SLC10A7: variants seen among roughly 807,000 people sequenced by gnomAD.
SLC10A7 encodes the protein sodium/bile acid cotransporter 7.
A neutral mutation model predicts 43.2 loss-of-function variants in SLC10A7; 29 were observed. The observed-to-expected ratio is 0.67, with a 90% CI of 0.50 to 0.92. The LOEUF (loss-of-function observed/expected upper bound fraction) is 0.92, where lower values mean the gene tolerates loss of function less well. Ranked by LOEUF, SLC10A7 falls within the 40% of genes least tolerant of loss-of-function variation. The pLI is 0.00. For synonymous variants in SLC10A7, 152 were observed against 144.8 expected (o/e 1.05, Z -0.35); for missense variants, 295 against 403.2 (o/e 0.73, Z 2.30).
At chr4:146,451,329 A>G (rs1202435108) in intron 4 of SLC10A7, among the ~76,000 whole-genome samples, 1 of 151,812 alleles carries the variant, frequency 6.6e-6, no homozygotes, top group Non-Finnish European at 1.5e-5. Flanking sequence ...TTCTTCTCAA[A>G]CTACCCAAAA....
intron 4 of SLC10A7, among the ~76,000 whole-genome samples, chr4:146,475,958 T>C (rs1733985257): frequency 6.6e-6 from 1 of 152,224 alleles, no homozygotes; most frequent in Admixed American, 6.5e-5. Flanking sequence ...TAAATCATTA[T>C]GCATTAAGCT....
chr4:146,293,940 T>C lies in SLC10A7; in HGVS notation c.711A>G (p.Ile237Met), dbSNP rs76346232. The C allele has an allele frequency of 4.0e-3, 6,435 of 1,611,692 alleles. 220 individuals carry two copies. The Admixed American group carries it at 0.057, about 14-fold the overall frequency. ...CATTTTCCAACTTACTTATGAACAG[T>C]ATGAGAACAAGGCTGAATTTATCCA... ...IDLDKFSLVL[I>M]LFIIFSIQLS... The change falls in exon 8 of 12, where the codon ATA (isoleucine) becomes ATG (methionine). Residue 237 changes from isoleucine (I) to methionine (M), a missense_variant. By Grantham distance (10) the Ile-to-Met change is conservative. Transcript: ENST00000335472.
rs1482501101 is a variant in SLC10A7 at position 146,514,909 on chromosome 4, T to C, written c.183+2129A>G. The C allele has an allele frequency of 7.4e-6, 4 of 543,114 alleles. No homozygotes were observed. The South Asian group carries it at 7.9e-5, about 11-fold the overall frequency. The allele number at this position is 543,114 out of a possible 1,614,324, so 33.6% of individuals were successfully genotyped here. A position where few individuals can be genotyped will look rare whatever the true frequency, so the allele number is the denominator to read the frequency against. On this transcript the variant is annotated intron_variant, in intron 2 of 11. Transcript: ENST00000335472. ...GGCTTTTGAAAATGACTTAATGTTG[T>C]ATTCTTTTGAAAAGGGCTTTTGATG...
At chr4:146,323,873 A>G (rs1732915859) in intron 6 of SLC10A7, among the ~76,000 whole-genome samples, 1 of 152,156 alleles carries the variant, frequency 6.6e-6, no homozygotes, top group African/African-American at 2.4e-5. Context: ...GGAAAAGAGG[A>G]AGTCAAATTG....
At chr4:146,265,558 A>G (rs1204963383) in intron 10 of SLC10A7, among the ~76,000 whole-genome samples, 1 of 152,166 alleles carries the variant, frequency 6.6e-6, no homozygotes, top group Non-Finnish European at 1.5e-5. Context: ...TGATGTTGCC[A>G]TTATTTTCTT....
In SLC10A7 at chr4:146,383,458, G is replaced by C. The variant is rs184708754; in HGVS notation, c.436-57462C>G. ...TCATTTCATCCTCTTCATTTGCATA[G>C]AGCATACACCAAGTAAGCAATGGGA... On this transcript the variant is annotated intron_variant, in intron 5 of 11. Coordinates refer to ENST00000335472, the MANE Select transcript of SLC10A7 (RefSeq NM_001029998.6). Among the ~76,000 whole-genome samples, 112 of 152,232 alleles carry C rather than the reference G, an allele frequency of 7.4e-4. No homozygotes were observed. In the South Asian group the frequency reaches 0.012, roughly 16 times the overall value.
At chr4:146,461,518 A>C (rs1732524274) in intron 4 of SLC10A7, among the ~76,000 whole-genome samples, 1 of 152,036 alleles carries the variant, frequency 6.6e-6, no homozygotes. Flanking sequence ...AAGAGACATC[A>C]CAGTGGGGAA....
intron 5 of SLC10A7, among the ~76,000 whole-genome samples, chr4:146,383,466 A>G (rs1243201962): frequency 6.6e-6 from 1 of 152,198 alleles, no homozygotes; most frequent in Non-Finnish European, 1.5e-5. Context: ...TAGAGCATAC[A>G]CCAAGTAAGC....
chr4:146,502,854 TG>T, intron 4 of SLC10A7, among the ~76,000 whole-genome samples: 1 of 152,214 alleles, frequency 6.6e-6, no homozygotes, highest in Admixed American at 6.5e-5. Flanking sequence ...AGTGGTTGCC[TG>T]GGGAAGAGGG....
At chr4:146,465,504 TA>T (rs68081585) in intron 4 of SLC10A7, among the ~76,000 whole-genome samples, 76,883 of 151,784 alleles carry the variant, frequency 0.51, 20,008 homozygotes, top group East Asian at 0.65. Flanking sequence ...GAATACTTTT[TA>T]TAACCTTAAA....
intron 4 of SLC10A7, among the ~76,000 whole-genome samples, chr4:146,492,377 A>AT (rs900564420): frequency 1.5e-4 from 23 of 151,570 alleles, no homozygotes; most frequent in Middle Eastern, 3.4e-3. Flanking sequence ...CTTTCTTTCT[A>AT]TTTTTTTTAA....
At chr4:146,312,049 G>T (rs1381187955) in intron 6 of SLC10A7, among the ~76,000 whole-genome samples, 1 of 152,080 alleles carries the variant, frequency 6.6e-6, no homozygotes, top group Non-Finnish European at 1.5e-5. Flanking sequence ...TAGGAATATG[G>T]TTATTAAACA....
chr4:146,468,473 A>ATTTTTTTTTTTTTTTT (rs368637891), intron 4 of SLC10A7, among the ~76,000 whole-genome samples: 1 of 143,608 alleles, frequency 7.0e-6, no homozygotes, highest in East Asian at 2.1e-4. Context: ...TTATATTTTA[A>ATTTTTTTTTTTTTTTT]TTTTTTTTTT....
At chr4:146,268,336 G>C (rs1488686243) in intron 10 of SLC10A7, among the ~76,000 whole-genome samples, 1 of 152,068 alleles carries the variant, frequency 6.6e-6, no homozygotes, top group Non-Finnish European at 1.5e-5. Flanking sequence ...GAGGAATCAG[G>C]CCTGGAAAAG....
intron 5 of SLC10A7, among the ~76,000 whole-genome samples, chr4:146,409,260 A>T (rs1429843254): frequency 6.6e-6 from 1 of 151,624 alleles, no homozygotes; most frequent in Non-Finnish European, 1.5e-5. Flanking sequence ...AACTTTGGAA[A>T]TCTCTTCTAA....
At chr4:146,301,280 G>T (rs896030457) in intron 7 of SLC10A7, among the ~76,000 whole-genome samples, 8 of 152,156 alleles carry the variant, frequency 5.3e-5, no homozygotes, top group African/African-American at 9.7e-5. Flanking sequence ...GTAGGAGTTT[G>T]CTGGCAATAC....
At chr4:146,471,645 A>G (rs931549675) in intron 4 of SLC10A7, among the ~76,000 whole-genome samples, 3 of 152,210 alleles carry the variant, frequency 2.0e-5, no homozygotes, top group Non-Finnish European at 4.4e-5. Context: ...GCAATTAAAT[A>G]TCGTCATTAT....
Position 146,474,074 on chromosome 4 carries a change from C to T in SLC10A7, c.396+29775G>A, listed in dbSNP as rs558587494. 3.6e-4 allele frequency among the ~76,000 whole-genome samples: 54 copies of T among 151,382 alleles called. No homozygotes were observed. The South Asian group carries it at 0.01, about 29-fold the overall frequency. ...GGTTTTATATAAAGTAAATATCCTCCTTATGTTGAAGAAAGTTGTTCTTTA... is the reference window on the plus strand; with the variant it reads ...GGTTTTATATAAAGTAAATATCCTCTTTATGTTGAAGAAAGTTGTTCTTTA... On this transcript the variant is annotated intron_variant, in intron 4 of 11. Transcript: ENST00000335472.
At chr4:146,375,813 A>T (rs1737152533) in intron 5 of SLC10A7, among the ~76,000 whole-genome samples, 1 of 152,070 alleles carries the variant, frequency 6.6e-6, no homozygotes. Flanking sequence ...CCTCTAATTC[A>T]ATTCTATTCC....
Sources: gnomAD v4.1 joint callset for allele counts (sites outside exome capture counted in the v4.1 genomes callset) on GRCh38, gnomAD v4.1.1 for gene constraint, MANE v1.5 for transcripts, NCBI Gene and HGNC (gene_info 2026-07-23, HGNC 2026-07-21) for gene names.